The following RNF17 variants were observed in gnomAD, a reference collection of about 807,000 sequenced individuals.
RNF17 encodes spermatogenesis associated 23.
A neutral mutation model predicts 200.5 loss-of-function variants in RNF17; 31 were observed. The ratio of observed to expected loss-of-function variants is 0.15; its 90% CI spans 0.12 to 0.21. The LOEUF is 0.21. RNF17 is among the 10% of genes least tolerant of loss of function. The pLI, the probability that RNF17 is intolerant of heterozygous loss-of-function variation, is 1.00. For missense variants in RNF17, 1,628 were observed against 1,905.1 expected (o/e 0.85, Z 2.71); for synonymous variants, 606 against 637.8 (o/e 0.95, Z 0.75).
chr13:24,825,605 C>CCTTTG lies in RNF17; in HGVS notation c.2092-10_2092-9insGCTTT, dbSNP rs765460729. ...TTCTGTGAAATGACAGTGCTTTATC[C>CCTTTG]CTTTATTTACTAGATAGAGGGCCTG... is the stretch of plus-strand genomic sequence containing the variant. On this transcript the variant is annotated splice_polypyrimidine_tract_variant and intron_variant, in intron 15 of 35. Coordinates refer to ENST00000255324, the MANE Select transcript of RNF17 (RefSeq NM_031277.3). 1.3e-5 allele frequency: 20 copies of CCTTTG among 1,534,410 alleles called. No individual in the cohort carries two copies. The East Asian group carries it at 4.1e-4, about 31-fold the overall frequency.
In RNF17 at chr13:24,793,056, A is replaced by G. The variant is rs539556381; in HGVS notation, c.950A>G (p.Glu317Gly). ...FRDSTKCYPQENEIRQNVQKK... is the reference protein window; with the variant it reads ...FRDSTKCYPQGNEIRQNVQKK... ...TTTTTAAACAGATGTTATCCCCAAG[A>G]AAATGAAATTAGACAGAATGTTCAA... The change falls in exon 10 of 36, where the codon GAA (glutamate) becomes GGA (glycine). Residue 317 changes from glutamate (E) to glycine (G), a missense_variant. Physicochemically the swap from Glu to Gly is moderately conservative, Grantham distance 98 (BLOSUM62 -2). Around this residue, in one of 5 missense-constraint regions of RNF17, gnomAD observed 502 missense variants for 501.7 expected, o/e 1.00. Transcript: ENST00000255324. The G allele has an allele frequency of 6.3e-5, 99 of 1,575,712 alleles. 1 individual carries two copies. In the South Asian group the frequency reaches 1.1e-3, roughly 17 times the overall value.
the RNF17 span, among the ~76,000 whole-genome samples, chr13:24,757,568 C>T: frequency 5.8e-3 from 876 of 152,258 alleles, 9 homozygotes; most frequent in African/African-American, 0.02. Flanking sequence ...AGGCAATCTG[C>T]CGGCCTCAGC....
chr13:24,859,434 CAT>C (rs1892859446), intron 26 of RNF17, among the ~76,000 whole-genome samples: 2 of 152,108 alleles, frequency 1.3e-5, no homozygotes, highest in African/African-American at 4.8e-5. Context: ...TGTTTCCACA[CAT>C]AGTGTTAAGT....
chr13:24,792,014 C>T (rs993560377), intron 9 of RNF17, among the ~76,000 whole-genome samples: 5 of 152,158 alleles, frequency 3.3e-5, no homozygotes, highest in Non-Finnish European at 5.9e-5. Flanking sequence ...ACCAGTCCTT[C>T]GGCTCAGTCA....
At chr13:24,844,892 T>G in intron 21 of RNF17, 69 bp from the exon 22 acceptor site, 1 of 1,561,718 alleles carries the variant, frequency 6.4e-7, no homozygotes, top group East Asian at 2.2e-5. Flanking sequence ...TTCATTGAGT[T>G]TTTCAGTTTG....
chr13:24,812,823 GGGTGCCT>G, intron 15 of RNF17, among the ~76,000 whole-genome samples: 1 of 151,552 alleles, frequency 6.6e-6, no homozygotes, highest in East Asian at 2.0e-4. Context: ...CTGGGACTAC[GGGTGCCT>G]GCCACCACGC....
intron 26 of RNF17, among the ~76,000 whole-genome samples, chr13:24,859,968 A>G (rs1892935101): frequency 2.0e-5 from 3 of 152,034 alleles, no homozygotes; most frequent in Admixed American, 2.0e-4. Flanking sequence ...CTGGGTAGTA[A>G]TGCTAGAGTT....
chr13:24,849,323 T>G (rs960643990), intron 22 of RNF17, among the ~76,000 whole-genome samples: 4 of 152,206 alleles, frequency 2.6e-5, no homozygotes, highest in African/African-American at 9.6e-5. Context: ...ATTTGCTGAT[T>G]AGAGACATCT....
chr13:24,750,202 T>C, the RNF17 span, among the ~76,000 whole-genome samples: 1 of 152,240 alleles, frequency 6.6e-6, no homozygotes, highest in Non-Finnish European at 1.5e-5. Flanking sequence ...TAATTTATAA[T>C]TCATGTCACA....
chr13:24,839,469 A>G (rs1265464099), intron 18 of RNF17, among the ~76,000 whole-genome samples: 1 of 152,208 alleles, frequency 6.6e-6, no homozygotes, highest in African/African-American at 2.4e-5. Flanking sequence ...GCATTACAAT[A>G]CCTGATTTCA....
intron 8 of RNF17, 112 bp from the exon 9 acceptor site, chr13:24,789,586 G>T: frequency 1.1e-6 from 1 of 929,094 alleles, no homozygotes; most frequent in South Asian, 1.6e-5. Context: ...AACTTAGAAA[G>T]TTATTTAAAT....
At position 24,795,448 on chromosome 13, in the gene RNF17, C is replaced by A. The variant is rs77978330; in HGVS notation, c.1241-689C>A. Among the ~76,000 whole-genome samples, 1,360 of 146,284 alleles carry A rather than the reference C, an allele frequency of 9.3e-3. 16 individuals are homozygous for A. The highest frequency in any genetic ancestry group is 0.032 in the African/African-American group (1,300 of 40,006). ...TCTTTTTTTTTTTTTTTACACAAAA[C>A]GTAGCATACCACTGTTTTGTTTTTG... On this transcript the variant is annotated intron_variant, in intron 10 of 35. Coordinates refer to ENST00000255324, the MANE Select transcript of RNF17 (RefSeq NM_031277.3).
chr13:24,857,887 C>T (rs1331412955), intron 25 of RNF17, among the ~76,000 whole-genome samples: 2 of 152,176 alleles, frequency 1.3e-5, no homozygotes, highest in East Asian at 3.9e-4. Context: ...CAGAGTAAGA[C>T]CCTGTCTCAT....
chr13:24,871,630 A>G (rs1483280742), intron 32 of RNF17, among the ~76,000 whole-genome samples: 1 of 111,704 alleles, frequency 9.0e-6, no homozygotes, highest in East Asian at 2.7e-4. Context: ...CAACTTGCCC[A>G]GCCTTTTTTT....
chr13:24,881,547 A>G (rs1443412146), downstream of RNF17, among the ~76,000 whole-genome samples: 1 of 151,930 alleles, frequency 6.6e-6, no homozygotes, highest in Admixed American at 6.6e-5. Flanking sequence ...AGATATCTAT[A>G]TATAGGTATA....
intron 15 of RNF17, chr13:24,824,266 T>A: frequency 1.4e-6 from 1 of 703,970 alleles, no homozygotes. Context: ...GAAGAAGAAC[T>A]TAAAGCTTCC....
At chr13:24,864,656 A>T (rs767691443) in intron 28 of RNF17, among the ~76,000 whole-genome samples, 1 of 152,202 alleles carries the variant, frequency 6.6e-6, no homozygotes, top group Non-Finnish European at 1.5e-5. Context: ...AGAAAACTCT[A>T]TGAACTTGAA....
intron 16 of RNF17, among the ~76,000 whole-genome samples, chr13:24,827,718 C>CAAAAAAAAAAAAAAAAA (rs1250308715): frequency 3.7e-5 from 2 of 54,630 alleles, no homozygotes; most frequent in Non-Finnish European, 6.0e-5. Context: ...AAAAAAAAAA[C>CAAAAAAAAAAAAAAAAA]AAAAAAAAAA....
At chr13:24,802,980 A>C (rs1885433011) in intron 14 of RNF17, among the ~76,000 whole-genome samples, 1 of 152,166 alleles carries the variant, frequency 6.6e-6, no homozygotes, top group African/African-American at 2.4e-5. Context: ...GGTTTGCTTG[A>C]GCCCAGGAGT....
Sources: gnomAD v4.1 joint callset for allele counts (sites outside exome capture counted in the v4.1 genomes callset) on GRCh38, gnomAD v4.1.1 for gene constraint, gnomAD v4.1.1 regional missense constraint, MANE v1.5 for transcripts, NCBI Gene and HGNC (gene_info 2026-07-23, HGNC 2026-07-21) for gene names.